The following TPD52 variants were observed in gnomAD, a reference collection of about 807,000 sequenced individuals.
The protein encoded by TPD52 is prostate and colon associated protein.
In TPD52, 17 loss-of-function variants were observed where a neutral mutation model predicts 31.3. That is an observed-to-expected ratio of 0.54 (90% CI 0.37 to 0.82). The LOEUF is 0.82. TPD52 is among the 40% of genes least tolerant of loss of function. TPD52 has a pLI of 0.00. For missense variants in TPD52, 212 were observed against 240.1 expected (o/e 0.88, Z 0.77); for synonymous variants, 83 against 89.6 (o/e 0.93, Z 0.42).
chr8:80,070,596 G>C (rs1037296336), intron 1 of TPD52, among the ~76,000 whole-genome samples: 2 of 152,188 alleles, frequency 1.3e-5, no homozygotes, highest in Non-Finnish European at 2.9e-5. Context: ...TCTGACAGGA[G>C]GCAGAGCTCA....
intron 1 of TPD52, among the ~76,000 whole-genome samples, chr8:80,086,307 C>A (rs1032520201): frequency 6.6e-6 from 1 of 151,028 alleles, no homozygotes; most frequent in Non-Finnish European, 1.5e-5. Flanking sequence ...TTAGTAGAGA[C>A]GGAGTTTCAC....
intron 1 of TPD52, among the ~76,000 whole-genome samples, chr8:80,066,464 C>A (rs1199701339): frequency 2.6e-5 from 4 of 152,202 alleles, no homozygotes; most frequent in Non-Finnish European, 5.9e-5. Context: ...TAGGTACAAT[C>A]AGCAAGTAGA....
chr8:80,163,249 A>G (rs1290671970), intron 1 of TPD52, among the ~76,000 whole-genome samples: 1 of 152,252 alleles, frequency 6.6e-6, no homozygotes, highest in Non-Finnish European at 1.5e-5. Context: ...GATAAATAAT[A>G]AAGAAAATGT....
intron 1 of TPD52, among the ~76,000 whole-genome samples, chr8:80,132,952 T>C (rs1205444578): frequency 2.0e-5 from 3 of 152,200 alleles, no homozygotes; most frequent in Non-Finnish European, 4.4e-5. Flanking sequence ...CATGCCACTT[T>C]TGAGTCCATA....
At chr8:80,045,750 C>A (rs185941107) in intron 5 of TPD52, among the ~76,000 whole-genome samples, 6 of 152,270 alleles carry the variant, frequency 3.9e-5, no homozygotes, top group Admixed American at 3.3e-4. Context: ...TGGGTGGAGC[C>A]TGGCCTTGCT....
rs370154506 is a variant in TPD52, at chr8:80,038,149, C to T, written c.591G>A (p.Glu197=). 20 of 1,613,934 alleles carry T rather than the reference C, an allele frequency of 1.2e-5. No homozygotes were observed. Among genetic ancestry groups the T allele is most frequent in the Non-Finnish European group, 1.6e-5 (19 of 1,179,976 alleles). ...SAANASATTT[E]PLPEKTQESL ...TCTCCTGTGTCTTTTCTGGAAGAGG[C>T]TCCGTGGTGGTGGCACTAGCATTTG... Residue 197 remains glutamate (E), a synonymous_variant, in exon 8 of 8, where the codon GAG becomes GAA. Transcript: ENST00000518937.
chr8:80,098,117 C>G (rs1262779723), intron 1 of TPD52, among the ~76,000 whole-genome samples: 1 of 152,212 alleles, frequency 6.6e-6, no homozygotes, highest in Non-Finnish European at 1.5e-5. Context: ...ATAAAGATTT[C>G]TTTTCCAAAT....
chr8:80,031,848 A>C (rs73259810), downstream of TPD52, among the ~76,000 whole-genome samples: 406 of 151,458 alleles, frequency 2.7e-3, 3 homozygotes, highest in African/African-American at 9.3e-3. Flanking sequence ...AAAGTGCAAA[A>C]CTCAAGTATC....
chr8:80,069,611 T>C (rs1458159426), intron 1 of TPD52, among the ~76,000 whole-genome samples: 1 of 152,186 alleles, frequency 6.6e-6, no homozygotes, highest in Non-Finnish European at 1.5e-5. Flanking sequence ...GGCAACGTGG[T>C]GAAACCCCAT....
At chr8:80,146,184 G>A (rs532008517) in intron 1 of TPD52, among the ~76,000 whole-genome samples, 1 of 152,284 alleles carries the variant, frequency 6.6e-6, no homozygotes, top group East Asian at 1.9e-4. Context: ...TCTAACATGA[G>A]GTAAGAACAT....
intron 2 of TPD52, among the ~76,000 whole-genome samples, chr8:80,061,973 A>AT (rs1269589201): frequency 6.6e-6 from 1 of 152,192 alleles, no homozygotes; most frequent in Non-Finnish European, 1.5e-5. Flanking sequence ...GGAAGACTTA[A>AT]TATTGTTAAG....
rs749062297 is a variant in TPD52 at position 80,042,650 on chromosome 8, T to C, written c.474A>G (p.Lys158=). ...AGTTTTCGACCTTTTCTTCAAATGA[T>C]TTAAAAGTTGGGGAGTTTCTATGGA... ...MPAMRNSPTF[K]SFEEKVENLK... The change falls in exon 7 of 8, where the codon AAA becomes AAG. Residue 158 remains lysine, a synonymous_variant. Transcript: ENST00000518937. 6.2e-6 allele frequency: 10 copies of C among 1,611,854 alleles called. No homozygotes were observed. The Admixed American group carries it at 1.5e-4, about 24-fold the overall frequency.
intron 1 of TPD52, among the ~76,000 whole-genome samples, chr8:80,076,226 T>C (rs1426417562): frequency 6.6e-6 from 1 of 152,202 alleles, no homozygotes; most frequent in Non-Finnish European, 1.5e-5. Context: ...TGTAGCACTA[T>C]TCACAATAGC....
intron 1 of TPD52, among the ~76,000 whole-genome samples, chr8:80,072,380 C>T (rs56322471): frequency 0.053 from 5,423 of 102,958 alleles, 387 homozygotes; most frequent in African/African-American, 0.18. Context: ...CATAGATATG[C>T]GTGTATATAC....
At chr8:80,129,002 T>C (rs2033064) in intron 1 of TPD52, among the ~76,000 whole-genome samples, 65,522 of 151,874 alleles carry the variant, frequency 0.43, 14,746 homozygotes, top group East Asian at 0.78. Flanking sequence ...CATTAAGCCT[T>C]TGAAGTTTGC....
intron 1 of TPD52, among the ~76,000 whole-genome samples, chr8:80,111,705 G>A (rs1807506903): frequency 6.6e-6 from 1 of 152,152 alleles, no homozygotes; most frequent in Non-Finnish European, 1.5e-5. Flanking sequence ...AAATATATAT[G>A]TTTGCAAGAT....
chr8:80,114,615 T>C (rs910190106), intron 1 of TPD52, among the ~76,000 whole-genome samples: 6 of 152,218 alleles, frequency 3.9e-5, no homozygotes, highest in Non-Finnish European at 5.9e-5. Context: ...ACTCCAAAAT[T>C]AGGCCCTAAC....
intron 1 of TPD52, among the ~76,000 whole-genome samples, chr8:80,122,689 A>G (rs1038475498): frequency 1.3e-5 from 2 of 152,236 alleles, no homozygotes; most frequent in East Asian, 3.9e-4. Flanking sequence ...TCCTCTCTCC[A>G]AGAGTGTAAT....
chr8:80,050,707 G>A (rs1299762552), intron 4 of TPD52, among the ~76,000 whole-genome samples: 4 of 152,240 alleles, frequency 2.6e-5, no homozygotes, highest in South Asian at 2.1e-4. Context: ...TATAATGAGC[G>A]AGGAATTTGT....
Sources: gnomAD v4.1 joint callset for allele counts (sites outside exome capture counted in the v4.1 genomes callset) on GRCh38, gnomAD v4.1.1 for gene constraint, MANE v1.5 for transcripts, NCBI Gene and HGNC (gene_info 2026-07-23, HGNC 2026-07-21) for gene names.